SLC22A6: variants seen among roughly 807,000 people sequenced by gnomAD.
SLC22A6 encodes the protein solute carrier family 22 member 6, also known as PAH transporter.
A neutral mutation model predicts 56.7 loss-of-function variants in SLC22A6; 45 were observed. The ratio of observed to expected loss-of-function variants is 0.79; its 90% CI spans 0.63 to 1.02. The LOEUF is 1.02. SLC22A6 is among the 50% of genes least tolerant of loss of function. The probability of loss-of-function intolerance (pLI) is 0.00; values close to 1 mark genes in which losing one functional copy is unlikely to be tolerated. For synonymous variants in SLC22A6, 291 were observed against 295.9 expected, an observed-to-expected ratio of 0.98 and a Z score of 0.17; for missense variants, 606 against 713.8, an observed-to-expected ratio of 0.85 and a Z score of 1.72.
In SLC22A6 at chr11:62,983,342, C is replaced by A. The variant is rs1205640115; in HGVS notation, c.628+195G>T. Among the ~76,000 whole-genome samples the A allele has an allele frequency of 2.6e-5, 4 of 152,158 alleles. No individual in the cohort carries two copies. The East Asian group carries it at 5.8e-4, about 22-fold the overall frequency. ...TACAGGTGTGAGCCACTGCGCCTGG[C>A]CCGCAATCCTGTTTTTAAATGAGGG... On this transcript the variant is annotated intron_variant, in intron 3 of 9. Coordinates refer to ENST00000360421, the MANE Select transcript of SLC22A6 (RefSeq NM_153276.3). This position sits in a 1 kb window ranked among gnomAD's most constrained non-coding sequence, Gnocchi z 4.5.
intron 6 of SLC22A6, among the ~76,000 whole-genome samples, chr11:62,980,235 A>G (rs192136872): frequency 1.3e-5 from 2 of 152,252 alleles, no homozygotes; most frequent in East Asian, 3.9e-4. Context: ...TTTTCATCTT[A>G]TCAATTGATG....
Position 62,981,291 on chromosome 11 carries a change from T to G in SLC22A6, c.890A>C (p.Lys297Thr). 1 of 1,609,124 alleles carries G rather than the reference T, an allele frequency of 6.2e-7. No homozygotes were observed. The highest frequency in any genetic ancestry group is 8.5e-7 in the Non-Finnish European group (1 of 1,178,014). The stretch of plus-strand genomic sequence containing the variant: ...ACTCAATTTGGCTCCTTCTTCCCGC[T>G]TCCCATTGATCCGGGCGACTCTCTG... ...ALQRVARING[K>T]REEGAKLSME... Residue 297 changes from lysine to threonine, a missense_variant, in exon 5 of 10, where the codon AAG (lysine) becomes ACG (threonine). Transcript: ENST00000360421.
At chr11:62,984,083 G>A (rs1418526922) in intron 1 of SLC22A6, 36 bp from the exon 2 acceptor site, 2 of 1,464,214 alleles carry the variant, frequency 1.4e-6, no homozygotes, top group East Asian at 2.3e-5. Flanking sequence ...GCAGAGATGA[G>A]CCTGGCTTCA....
intron 7 of SLC22A6, 58 bp from the exon 8 acceptor site, chr11:62,979,654 G>A (rs1171917807): frequency 2.5e-6 from 4 of 1,582,916 alleles, no homozygotes; most frequent in African/African-American, 1.3e-5. Flanking sequence ...GGAGGAATTG[G>A]CCCCCTCCCT....
At position 62,983,375 on chromosome 11, in the gene SLC22A6, C is replaced by G. The variant is rs1242442502; in HGVS notation, c.628+162G>C. 6.6e-6 allele frequency among the ~76,000 whole-genome samples: 1 copy of G among 152,026 alleles called. No homozygotes were observed. The highest frequency in any genetic ancestry group is 6.6e-5 in the Admixed American group (1 of 15,264). ...CCTGTTTTTAAATGAGGGGTCAGGG[C>G]GGCATGAGCCTGAGAAAAGGTTGTT... is the stretch of plus-strand genomic sequence containing the variant. On this transcript the variant is annotated intron_variant, in intron 3 of 9. Transcript: ENST00000360421. The surrounding 1 kb of genome is among the most constrained non-coding windows in gnomAD (Gnocchi z 4.5).
Position 62,983,291 on chromosome 11 carries a change from G to T in SLC22A6, c.628+246C>A, listed in dbSNP as rs569918381. The stretch of plus-strand genomic sequence containing the variant: ...GATCTCCTGACCTCGTGATCTGCCC[G>T]CCTCGGCCTCCGAAAGTGCTGGGAT... On this transcript the variant is annotated intron_variant, in intron 3 of 9. Transcript: ENST00000360421. The surrounding 1 kb of genome is among the most constrained non-coding windows in gnomAD (Gnocchi z 4.5). Among the ~76,000 whole-genome samples, 31 of 152,238 alleles carry T rather than the reference G, an allele frequency of 2.0e-4. No individual in the cohort carries two copies. The highest frequency in any genetic ancestry group is 2.1e-4 in the South Asian group (1 of 4,826).
intron 4 of SLC22A6, 61 bp downstream of exon 4, chr11:62,981,781 C>T: frequency 6.7e-7 from 1 of 1,497,452 alleles, no homozygotes; most frequent in Non-Finnish European, 9.0e-7. Flanking sequence ...TGGGAGATGT[C>T]CTGTCCCTTG....
At position 62,983,674 on chromosome 11, in the gene SLC22A6, A is replaced by G. The variant is rs1321630083; in HGVS notation, c.491T>C (p.Val164Ala). ...TGTCTGCAGGTAGTTCAAGATGAGT[A>G]CCTTCCGGCGGCCTAGCCTGTGGGA... ...YLADRLGRRK[V>A]LILNYLQTAV... The change falls in exon 3 of 10, where the codon GTA becomes GCA. Residue 164 changes from valine (V) to alanine (A), a missense_variant. Coordinates refer to ENST00000360421, the MANE Select transcript of SLC22A6 (RefSeq NM_153276.3). This position sits in a 1 kb window ranked among gnomAD's most constrained non-coding sequence, Gnocchi z 4.5. 2 of 1,611,094 alleles carry G rather than the reference A, an allele frequency of 1.2e-6. No individual in the cohort carries two copies. The highest frequency in any genetic ancestry group is 2.2e-5 in the South Asian group (2 of 90,622).
intron 7 of SLC22A6, 41 bp from the exon 8 acceptor site, chr11:62,979,637 G>C: frequency 6.3e-7 from 1 of 1,592,908 alleles, no homozygotes. Context: ...CTTGGGAGTG[G>C]AGGCTAGGAG....
intron 8 of SLC22A6, among the ~76,000 whole-genome samples, chr11:62,977,723 T>A (rs2086206722): frequency 6.6e-6 from 1 of 152,232 alleles, no homozygotes; most frequent in Non-Finnish European, 1.5e-5. Context: ...CTTAACTTGC[T>A]GTGTGACTTT....
chr11:62,979,972 T>C, intron 6 of SLC22A6, 24 bp from the exon 7 acceptor site: 2 of 1,578,018 alleles, frequency 1.3e-6, no homozygotes, highest in Non-Finnish European at 1.7e-6. Flanking sequence ...GAGAGGAGTA[T>C]GGAGTTTGTT....
Position 62,983,563 on chromosome 11 carries a change from C to G in SLC22A6, c.602G>C (p.Gly201Ala). ...CAGTGTCATGCAGTTGAGGGAGATG[C>G]CAGCCAGAGCCATGCCCGAGAGGAG... ...FRLLSGMALA[G>A]ISLNCMTLNV... Residue 201 changes from glycine to alanine, a missense_variant, in exon 3 of 10, where the codon GGC (glycine) becomes GCC (alanine). Coordinates refer to ENST00000360421, the MANE Select transcript of SLC22A6 (RefSeq NM_153276.3). This position sits in a 1 kb window ranked among gnomAD's most constrained non-coding sequence, Gnocchi z 4.5. The G allele has an allele frequency of 6.4e-7, 1 of 1,567,296 alleles. No homozygotes were observed. The highest frequency in any genetic ancestry group is 8.7e-7 in the Non-Finnish European group (1 of 1,155,940).
At chr11:62,984,282 T>C (rs1252827108) in intron 1 of SLC22A6, 40 bp downstream of exon 1, 1 of 1,580,008 alleles carries the variant, frequency 6.3e-7, no homozygotes, top group East Asian at 2.2e-5. Flanking sequence ...GCCCCCATCT[T>C]CCCATCTTGG....
chr11:62,983,701 G>A lies in SLC22A6; in HGVS notation c.474-10C>T, dbSNP rs2086282598. ...CTTCCGGCGGCCTAGCCTGTGGGAG[G>A]AGGGGAGACTTGTAGCAGGGCCCTG... is the stretch of plus-strand genomic sequence containing the variant. On this transcript the variant is annotated splice_polypyrimidine_tract_variant and intron_variant, in intron 2 of 9. Coordinates refer to ENST00000360421, the MANE Select transcript of SLC22A6 (RefSeq NM_153276.3). The surrounding 1 kb of genome is among the most constrained non-coding windows in gnomAD (Gnocchi z 4.5). 1 of 1,604,184 alleles carries A rather than the reference G, an allele frequency of 6.2e-7. No individual in the cohort carries two copies. The highest frequency in any genetic ancestry group is 1.7e-5 in the Admixed American group (1 of 58,010).
At position 62,984,310 on chromosome 11, in the gene SLC22A6, C is replaced by G; in HGVS notation, c.369+12G>C. The stretch of plus-strand genomic sequence containing the variant: ...CATCTTGGCCCCTGGATGGGGAGCC[C>G]CAGGTGCTCACCTCAGTCACGATGG... On this transcript the variant is annotated intron_variant, in intron 1 of 9. Transcript: ENST00000360421. 1.2e-6 allele frequency: 2 copies of G among 1,612,810 alleles called. No homozygotes were observed.
rs1210721922 is a variant in SLC22A6, at chr11:62,981,012, T to C, written c.1010A>G (p.His337Arg). Reference sequence around the variant, plus strand: ...CAGCATGGAGAGGCAGAGGAAGAGGTGGCGGAGGGTGGGGCAGCGCAGCAG... The same window carrying C: ...CAGCATGGAGAGGCAGAGGAAGAGGCGGCGGAGGGTGGGGCAGCGCAGCAG... The part of the protein sequence containing the change: ...MELLRCPTLR[H>R]LFLCLSMLWF... Residue 337 changes from histidine (H) to arginine (R), a missense_variant, in exon 6 of 10, where the codon CAC becomes CGC. Physicochemically the swap from His to Arg is conservative, Grantham distance 29. Transcript: ENST00000360421. The C allele has an allele frequency of 6.2e-7, 1 of 1,609,654 alleles. No homozygotes were observed.
chr11:62,980,910 G>T, intron 6 of SLC22A6, 75 bp downstream of exon 6: 3 of 1,258,310 alleles, frequency 2.4e-6, no homozygotes, highest in South Asian at 1.5e-5. Context: ...CTCTTCTCTG[G>T]CCTCTTTCAC....
chr11:62,981,753 G>T, intron 4 of SLC22A6, 89 bp downstream of exon 4: 2 of 1,295,490 alleles, frequency 1.5e-6, no homozygotes, highest in Non-Finnish European at 2.1e-6. Flanking sequence ...TTTGTGGGAT[G>T]GGATGTGTGC....
rs2086261399 is a variant in SLC22A6, at chr11:62,981,988, G to A, written c.651C>T (p.His217=). ...TCAAGGTGCCCACGCAGGCCCGTGT[G>A]TGAATGGGCATCCACTCCACATCTG... ...MTLNVEWMPI[H]TRACVGTLIG... is the part of the protein sequence containing the mutation. Residue 217 remains histidine, a synonymous_variant, in exon 4 of 10, where the codon CAC becomes CAT. Coordinates refer to ENST00000360421, the MANE Select transcript of SLC22A6 (RefSeq NM_153276.3). 6.2e-7 allele frequency: 1 copy of A among 1,613,870 alleles called. No individual in the cohort carries two copies. The highest frequency in any genetic ancestry group is 1.3e-5 in the African/African-American group (1 of 74,936).
Sources: gnomAD v4.1 joint callset for allele counts (sites outside exome capture counted in the v4.1 genomes callset) on GRCh38, gnomAD v4.1.1 for gene constraint, Gnocchi (gnomAD v3.1) non-coding constraint, MANE v1.5 for transcripts, NCBI Gene and HGNC (gene_info 2026-07-23, HGNC 2026-07-21) for gene names.